Variants in TENM2 observed in about 807,000 individuals in gnomAD.
The protein encoded by TENM2 is teneurin-2.
In TENM2, 52 loss-of-function variants were observed where a neutral mutation model predicts 245.2. That is an observed-to-expected ratio of 0.21 (90% CI 0.17 to 0.27). TENM2 has a LOEUF of 0.27. Among genes scored for constraint, TENM2 ranks in the 10% least tolerant of loss-of-function variants. The pLI is 1.00. For missense variants in TENM2, 3,046 were observed against 3,666.8 expected (o/e 0.83, Z 4.37); for synonymous variants, 1,363 against 1,438.9 (o/e 0.95, Z 1.19).
chr5:168,088,000 C>T lies in TENM2; in HGVS notation c.1516-2574C>T, dbSNP rs74946965. 3.9e-3 allele frequency among the ~76,000 whole-genome samples: 601 copies of T among 152,300 alleles called. 4 individuals carry two copies. Among genetic ancestry groups the T allele is most frequent in the African/African-American group, 0.014 (577 of 41,562 alleles). Reference sequence around the variant, plus strand: ...CCAAAATAGATGTCTTCTCTTTCCCCTGAAAAATGCCTCTTCTTAGAGTAA... The same window carrying T: ...CCAAAATAGATGTCTTCTCTTTCCCTTGAAAAATGCCTCTTCTTAGAGTAA... On this transcript the variant is annotated intron_variant, in intron 7 of 28. Transcript: ENST00000518659.
the TENM2 span, among the ~76,000 whole-genome samples, chr5:167,012,084 T>A: frequency 6.6e-6 from 1 of 152,192 alleles, no homozygotes; most frequent in Non-Finnish European, 1.5e-5. Context: ...AGAATTTGGC[T>A]GACAGAACCT....
chr5:168,121,850 T>C (rs1033673452), intron 10 of TENM2, among the ~76,000 whole-genome samples: 1 of 152,238 alleles, frequency 6.6e-6, no homozygotes, highest in African/African-American at 2.4e-5. Flanking sequence ...TTTTCCTTAC[T>C]AGAAATGGGG....
the TENM2 span, among the ~76,000 whole-genome samples, chr5:167,224,677 T>C: frequency 5.3e-5 from 8 of 152,088 alleles, no homozygotes; most frequent in African/African-American, 1.9e-4. Flanking sequence ...TCTGGCTATT[T>C]ATTTTTGTTC....
At chr5:168,207,912 T>G (rs1762493151) in intron 19 of TENM2, among the ~76,000 whole-genome samples, 1 of 152,194 alleles carries the variant, frequency 6.6e-6, no homozygotes, top group Non-Finnish European at 1.5e-5. Flanking sequence ...TTCTCTTAGG[T>G]AAAATGGTTA....
rs1561650163 is a variant in TENM2 at position 167,663,181 on chromosome 5, AGAG to A, written c.503-212804_503-212802del. ...GAGAGAGAGAGAGAGAGAGAGAGAG[AGAG>A]AGAAAGAGAGAGAATGAATGCCTGG... is the stretch of plus-strand genomic sequence containing the variant. On this transcript the variant is annotated intron_variant, in intron 2 of 28. Coordinates refer to ENST00000518659, the Ensembl canonical transcript of TENM2. 8.6e-3 allele frequency among the ~76,000 whole-genome samples: 1,230 copies of A among 143,104 alleles called. 16 individuals carry two copies. The highest frequency in any genetic ancestry group is 0.031 in the African/African-American group (1,148 of 37,216). The allele number at this position is 143,104 out of a possible 152,430, so 93.9% of individuals were successfully genotyped here. A position where few individuals can be genotyped will look rare whatever the true frequency, so the allele number is the denominator to read the frequency against.
intron 2 of TENM2, among the ~76,000 whole-genome samples, chr5:167,492,613 A>G (rs1768505845): frequency 6.6e-6 from 1 of 152,048 alleles, no homozygotes; most frequent in Non-Finnish European, 1.5e-5. Flanking sequence ...TTATATGGCA[A>G]TTTTTAATAC....
At chr5:168,225,765 A>C (rs1205241248) in intron 23 of TENM2, among the ~76,000 whole-genome samples, 1 of 151,386 alleles carries the variant, frequency 6.6e-6, no homozygotes, top group African/African-American at 2.4e-5. Context: ...TCATCTCAAA[A>C]AAAAAAAAAA....
intron 1 of TENM2, among the ~76,000 whole-genome samples, chr5:167,366,164 TATG>T (rs1469809207): frequency 1.3e-5 from 2 of 151,912 alleles, no homozygotes; most frequent in Non-Finnish European, 2.9e-5. Flanking sequence ...AAATAAATAT[TATG>T]AGGAATGAAA....
chr5:167,978,383 G>A (rs1248971929), intron 4 of TENM2, among the ~76,000 whole-genome samples: 1 of 152,084 alleles, frequency 6.6e-6, no homozygotes, highest in East Asian at 1.9e-4. Flanking sequence ...TTCATCAATG[G>A]ATGAATGAAT....
intron 2 of TENM2, among the ~76,000 whole-genome samples, chr5:167,697,021 C>T (rs746293970): frequency 7.2e-5 from 11 of 152,252 alleles, no homozygotes; most frequent in Non-Finnish European, 1.3e-4. Flanking sequence ...TCCATGGCCT[C>T]TGCGCATGCT....
At chr5:167,794,982 T>C (rs1765221178) in intron 2 of TENM2, among the ~76,000 whole-genome samples, 1 of 152,238 alleles carries the variant, frequency 6.6e-6, no homozygotes. Context: ...ATTATTTTTA[T>C]AACTTTTCTA....
intron 4 of TENM2, among the ~76,000 whole-genome samples, chr5:167,984,318 C>A (rs967497666): frequency 2.0e-5 from 3 of 152,190 alleles, no homozygotes; most frequent in East Asian, 1.9e-4. Flanking sequence ...AGATGTTTAC[C>A]AGTCTATCTC....
At chr5:167,424,794 G>C (rs183764109) in intron 2 of TENM2, among the ~76,000 whole-genome samples, 13 of 152,194 alleles carry the variant, frequency 8.5e-5, no homozygotes, top group African/African-American at 3.1e-4. Context: ...GCAGTTGTTA[G>C]CACATTACTT....
intron 2 of TENM2, among the ~76,000 whole-genome samples, chr5:167,646,179 T>TATATATATGTTGTTTTC (rs1779932692): frequency 9.3e-5 from 6 of 64,692 alleles, no homozygotes; most frequent in South Asian, 7.7e-4. Context: ...GTTGTTTTCA[T>TATATATATGTTGTTTTC]ATATATATAT....
the TENM2 span, among the ~76,000 whole-genome samples, chr5:167,089,037 A>G: frequency 3.1e-3 from 475 of 152,340 alleles, no homozygotes; most frequent in African/African-American, 0.011. Context: ...TTCCATAATA[A>G]TTGTATCTCA....
chr5:167,642,550 C>T (rs1203917444), intron 2 of TENM2, among the ~76,000 whole-genome samples: 5 of 152,090 alleles, frequency 3.3e-5, no homozygotes, highest in Admixed American at 6.6e-5. Context: ...CACACTCATG[C>T]GCACTAAACT....
intron 2 of TENM2, among the ~76,000 whole-genome samples, chr5:167,459,358 T>C (rs555986402): frequency 1.3e-5 from 2 of 152,342 alleles, no homozygotes; most frequent in African/African-American, 2.4e-5. Context: ...CATCCCACTG[T>C]AGGTATAAAC....
At chr5:167,559,695 G>T (rs544302288) in intron 2 of TENM2, among the ~76,000 whole-genome samples, 1 of 152,096 alleles carries the variant, frequency 6.6e-6, no homozygotes, top group African/African-American at 2.4e-5. Context: ...TGGGAGTAAG[G>T]GGGCATGGAG....
At chr5:167,514,849 A>G (rs1770210602) in intron 2 of TENM2, among the ~76,000 whole-genome samples, 1 of 152,142 alleles carries the variant, frequency 6.6e-6, no homozygotes, top group Admixed American at 6.5e-5. Flanking sequence ...TGTCTCTACT[A>G]AAAATACAAA....
Sources: allele counts gnomAD v4.1 joint callset (sites outside exome capture counted in the v4.1 genomes callset), GRCh38; gene constraint gnomAD v4.1.1; transcripts MANE v1.5; gene names NCBI Gene and HGNC (gene_info 2026-07-23, HGNC 2026-07-21).